GNAQ: variants seen among roughly 807,000 people sequenced by gnomAD.
The protein encoded by GNAQ is guanine nucleotide-binding protein G(q) subunit alpha.
In GNAQ, 8 loss-of-function variants were observed where a neutral mutation model predicts 43.9. That is an observed-to-expected ratio of 0.18 (90% CI 0.11 to 0.33). GNAQ has a LOEUF of 0.33. GNAQ is among the 10% of genes least tolerant of loss of function. GNAQ has a pLI of 1.00. For synonymous variants in GNAQ, 155 were observed against 170.7 expected, an observed-to-expected ratio of 0.91 and a Z score of 0.71; for missense variants, 158 against 450.8, an observed-to-expected ratio of 0.35 and a Z score of 5.88.
chr9:77,995,535 G>C (rs984292050), intron 1 of GNAQ, among the ~76,000 whole-genome samples: 5 of 152,044 alleles, frequency 3.3e-5, no homozygotes. Flanking sequence ...ATGTTGCCCA[G>C]GCTTGAGTGC....
chr9:77,860,738 C>G (rs775486925), intron 2 of GNAQ, among the ~76,000 whole-genome samples: 1 of 152,174 alleles, frequency 6.6e-6, no homozygotes. Context: ...ACACACTGAA[C>G]AGTCCCCACA....
chr9:77,984,176 CTTTT>C, intron 1 of GNAQ, among the ~76,000 whole-genome samples: 1 of 136,920 alleles, frequency 7.3e-6, no homozygotes, highest in African/African-American at 2.7e-5. Context: ...TTTTGCTTTT[CTTTT>C]TTTTTTTTTG....
chr9:77,964,377 G>A (rs1200273455), intron 1 of GNAQ, among the ~76,000 whole-genome samples: 1 of 152,080 alleles, frequency 6.6e-6, no homozygotes, highest in Non-Finnish European at 1.5e-5. Context: ...AGAGAGAAAA[G>A]CAATAAACCA....
intron 1 of GNAQ, among the ~76,000 whole-genome samples, chr9:78,018,685 T>G (rs1823868932): frequency 6.6e-6 from 1 of 152,202 alleles, no homozygotes; most frequent in South Asian, 2.1e-4. Context: ...ACTTTTTTTT[T>G]TACTATTTTA....
intron 2 of GNAQ, among the ~76,000 whole-genome samples, chr9:77,860,063 C>T (rs1337405816): frequency 1.3e-5 from 2 of 152,086 alleles, no homozygotes; most frequent in Non-Finnish European, 2.9e-5. Context: ...TTTTCAAAGG[C>T]GTCTAACGTC....
chr9:77,799,732 C>A (rs1210365946), intron 3 of GNAQ, among the ~76,000 whole-genome samples: 2 of 152,092 alleles, frequency 1.3e-5, no homozygotes, highest in Non-Finnish European at 2.9e-5. Context: ...GTTATCAATT[C>A]TTTAAGACAA....
intron 1 of GNAQ, among the ~76,000 whole-genome samples, chr9:77,994,438 T>C (rs903805606): frequency 2.0e-5 from 3 of 152,256 alleles, no homozygotes; most frequent in African/African-American, 7.2e-5. Context: ...ATTTGCTTTA[T>C]GAATCTGTTA....
At chr9:77,821,724 G>GGGGTGGGT (rs201504418) in intron 2 of GNAQ, among the ~76,000 whole-genome samples, 1 of 142,308 alleles carries the variant, frequency 7.0e-6, no homozygotes. Flanking sequence ...TCCTAGTATG[G>GGGGTGGGT]GTGTGTGTGT....
chr9:77,842,382 T>C (rs1298049666), intron 2 of GNAQ, among the ~76,000 whole-genome samples: 2 of 152,182 alleles, frequency 1.3e-5, no homozygotes, highest in African/African-American at 2.4e-5. Context: ...GGGCACAGAA[T>C]TGACAAACAA....
chr9:77,849,317 G>GT (rs922599233), intron 2 of GNAQ, among the ~76,000 whole-genome samples: 25 of 151,596 alleles, frequency 1.6e-4, no homozygotes, highest in African/African-American at 2.7e-4. Flanking sequence ...AATAATAAGA[G>GT]TTTTTTTTTA....
chr9:77,956,388 A>G (rs1293225489), intron 1 of GNAQ, among the ~76,000 whole-genome samples: 6 of 152,220 alleles, frequency 3.9e-5, no homozygotes, highest in Admixed American at 3.9e-4. Flanking sequence ...CCTGTTATTC[A>G]CTACAAATGC....
intron 1 of GNAQ, among the ~76,000 whole-genome samples, chr9:77,940,120 G>A (rs1829293250): frequency 6.6e-6 from 1 of 152,174 alleles, no homozygotes; most frequent in Non-Finnish European, 1.5e-5. Context: ...ATAGAAGAAG[G>A]TTGTAAAAGA....
intron 2 of GNAQ, among the ~76,000 whole-genome samples, chr9:77,897,960 A>G (rs1471748891): frequency 2.1e-5 from 3 of 143,910 alleles, no homozygotes; most frequent in Non-Finnish European, 3.1e-5. Context: ...AAAAAAAAAA[A>G]GCAATGCAAG....
chr9:77,821,043 G>A (rs943568395), intron 2 of GNAQ, among the ~76,000 whole-genome samples: 1 of 152,160 alleles, frequency 6.6e-6, no homozygotes, highest in Admixed American at 6.5e-5. Context: ...GAAAAATAGA[G>A]AATGTATGTT....
At chr9:77,756,036 AGAACATGGAAAGACTAGACT>A (rs1337897220) in intron 5 of GNAQ, among the ~76,000 whole-genome samples, 1 of 152,188 alleles carries the variant, frequency 6.6e-6, no homozygotes. Flanking sequence ...AGCAGGCAGA[AGAACATGGAAAGACTAGACT>A]GGCTTAGCCT....
At chr9:77,800,658 A>G (rs1366500865) in intron 3 of GNAQ, among the ~76,000 whole-genome samples, 2 of 152,190 alleles carry the variant, frequency 1.3e-5, no homozygotes, top group Non-Finnish European at 2.9e-5. Flanking sequence ...ACATGTATAC[A>G]TATGTAACTA....
intron 1 of GNAQ, among the ~76,000 whole-genome samples, chr9:78,010,231 T>C (rs1298557151): frequency 6.6e-6 from 1 of 152,136 alleles, no homozygotes; most frequent in Admixed American, 6.5e-5. Flanking sequence ...CGATGGTTCA[T>C]AAAAGGAAGA....
chr9:77,934,659 A>G (rs1829205542), intron 1 of GNAQ, among the ~76,000 whole-genome samples: 5 of 152,206 alleles, frequency 3.3e-5, no homozygotes, highest in Admixed American at 3.3e-4. Context: ...GAATACTAAG[A>G]AGGACTTATA....
chr9:77,769,220 G>C (rs922861903), intron 5 of GNAQ, among the ~76,000 whole-genome samples: 1 of 152,100 alleles, frequency 6.6e-6, no homozygotes, highest in African/African-American at 2.4e-5. Flanking sequence ...GGCCAACATG[G>C]TGAATCCCCA....
Sources: allele counts gnomAD v4.1 joint callset (sites outside exome capture counted in the v4.1 genomes callset), GRCh38; gene constraint gnomAD v4.1.1; transcripts MANE v1.5; gene names NCBI Gene and HGNC (gene_info 2026-07-23, HGNC 2026-07-21).